Variants in SOS1 observed in about 807,000 individuals in gnomAD.
SOS1 encodes the protein son of sevenless homolog 1.
SOS1 carries 25 observed loss-of-function variants against 157.6 expected under a neutral mutation model. That is an observed-to-expected ratio of 0.16 (90% CI 0.12 to 0.22). The LOEUF is 0.22. Among genes scored for constraint, SOS1 ranks in the 10% least tolerant of loss-of-function variants. The pLI, the probability that SOS1 is intolerant of heterozygous loss-of-function variation, is 1.00. For missense variants in SOS1, 1,237 were observed against 1,599.1 expected, an observed-to-expected ratio of 0.77 and a Z score of 3.86; for synonymous variants, 528 against 534.0, an observed-to-expected ratio of 0.99 and a Z score of 0.16.
intron 15 of SOS1, among the ~76,000 whole-genome samples, chr2:39,008,819 A>G (rs570862722): frequency 6.6e-6 from 1 of 152,272 alleles, no homozygotes; most frequent in South Asian, 2.1e-4. Flanking sequence ...CTGCCATGCA[A>G]TAAGAAGCCC....
intron 1 of SOS1, among the ~76,000 whole-genome samples, chr2:39,115,090 G>A (rs973554656): frequency 1.3e-5 from 2 of 151,856 alleles, no homozygotes; most frequent in East Asian, 1.9e-4. Context: ...CATTTTCAGC[G>A]TGTGGTCTCA....
At chr2:38,989,978 G>A (rs1223881555) in intron 20 of SOS1, among the ~76,000 whole-genome samples, 2 of 151,948 alleles carry the variant, frequency 1.3e-5, no homozygotes, top group Non-Finnish European at 2.9e-5. Flanking sequence ...AAAATCAAAA[G>A]CGAAAGCCCC....
intron 1 of SOS1, among the ~76,000 whole-genome samples, chr2:39,105,742 C>CA (rs1045417252): frequency 2.9e-4 from 44 of 149,666 alleles, no homozygotes; most frequent in African/African-American, 5.6e-4. Flanking sequence ...ACTAAAAATA[C>CA]AAAAAAAAAT....
intron 1 of SOS1, among the ~76,000 whole-genome samples, chr2:39,079,722 T>C (rs1300276386): frequency 2.6e-5 from 4 of 152,136 alleles, no homozygotes; most frequent in African/African-American, 9.7e-5. Context: ...CTCAAACTCC[T>C]GACCTCGTGA....
intron 12 of SOS1, 95 bp downstream of exon 12, chr2:39,013,772 C>T (rs2124518087): frequency 9.4e-7 from 1 of 1,065,560 alleles, no homozygotes; most frequent in Non-Finnish European, 1.4e-6. Context: ...ATTTTATTGT[C>T]ACCCCTCTCC....
intron 6 of SOS1, among the ~76,000 whole-genome samples, chr2:39,048,757 GT>G (rs1180596933): frequency 3.3e-5 from 5 of 152,108 alleles, no homozygotes; most frequent in Non-Finnish European, 7.4e-5. Context: ...GTTTTTAGCT[GT>G]GTGTTTATTT....
chr2:39,007,428 T>G, intron 15 of SOS1: 1 of 504,682 alleles, frequency 2.0e-6, no homozygotes, highest in Non-Finnish European at 3.5e-6. Context: ...TCCTACTATA[T>G]TTGGTGCATC....
rs889882368 is a variant in SOS1 at position 38,985,656 on chromosome 2, T to C, written c.*168A>G. ...TTCTAAACTGGAATACCATTTCCAT[T>C]GTATAATTACATCTAGGTTAAAATT... On this transcript the variant is annotated 3_prime_UTR_variant, in exon 23 of 23. Coordinates refer to ENST00000402219, the MANE Select transcript of SOS1 (RefSeq NM_005633.4). The C allele has an allele frequency of 2.6e-6, 2 of 782,712 alleles. No homozygotes were observed. Among genetic ancestry groups the C allele is most frequent in the Non-Finnish European group, 2.1e-6 (1 of 468,588 alleles). 48.5% of individuals were successfully genotyped at this position (782,712 alleles called of 1,614,324 possible). A position where few individuals can be genotyped will look rare whatever the true frequency, so the allele number is the denominator to read the frequency against.
chr2:39,096,608 G>A (rs924108190), intron 1 of SOS1, among the ~76,000 whole-genome samples: 12 of 152,092 alleles, frequency 7.9e-5, no homozygotes, highest in Admixed American at 3.3e-4. Flanking sequence ...TTGGCTGGCC[G>A]GGCACGGTGG....
At position 38,997,269 on chromosome 2, in the gene SOS1, A is replaced by G; in HGVS notation, c.2948T>C (p.Val983Ala). 6.2e-7 allele frequency: 1 copy of G among 1,609,604 alleles called. No homozygotes were observed. The highest frequency in any genetic ancestry group is 8.5e-7 in the Non-Finnish European group (1 of 1,176,458). The change falls in exon 18 of 23, where the codon GTA (valine) becomes GCA (alanine). Residue 983 changes from valine (V) to alanine (A), a missense_variant. By Grantham distance (64) the Val-to-Ala change is moderately conservative (BLOSUM62 0). Around this residue, in one of 15 missense-constraint regions of SOS1, gnomAD observed 34 missense variants for 28.1 expected, o/e 1.21. Coordinates refer to ENST00000402219, the MANE Select transcript of SOS1 (RefSeq NM_005633.4). ...QYQNQPYCLR[V>A]ESDIKRFFEN... ...TCAACTTACTTTGATATCTGATTCT[A>G]CTCGTAAACAGTAAGGCTGATTTTG...
At chr2:39,061,036 C>T (rs1671382818) in intron 2 of SOS1, among the ~76,000 whole-genome samples, 1 of 151,438 alleles carries the variant, frequency 6.6e-6, no homozygotes, top group African/African-American at 2.4e-5. Flanking sequence ...CTGTCCATAT[C>T]AATTATGTCT....
intron 8 of SOS1, among the ~76,000 whole-genome samples, chr2:39,028,977 A>G (rs1043929463): frequency 2.0e-5 from 3 of 152,228 alleles, no homozygotes; most frequent in Non-Finnish European, 4.4e-5. Context: ...TGTATGAAAT[A>G]TTATCCAAAT....
chr2:38,997,128 A>C lies in SOS1; in HGVS notation c.2965-90T>G. 2.9e-6 allele frequency: 3 copies of C among 1,043,056 alleles called. No individual in the cohort carries two copies. In the South Asian group the frequency reaches 4.3e-5, roughly 15 times the overall value. The allele number at this position is 1,043,056 out of a possible 1,614,324, so 64.6% of individuals were successfully genotyped here. On this transcript the variant is annotated intron_variant, in intron 18 of 22. Transcript: ENST00000402219. ...GAAAGTTAAGAAAACATTTAATACA[A>C]GTAAATTTGAATTATTTCTTTTAAG...
intron 6 of SOS1, among the ~76,000 whole-genome samples, chr2:39,048,118 A>T (rs966552060): frequency 1.2e-4 from 18 of 152,094 alleles, no homozygotes; most frequent in African/African-American, 4.1e-4. Flanking sequence ...CAGTTTATCA[A>T]TTTTTTTCTT....
chr2:38,988,569 G>A (rs1305194361), intron 21 of SOS1, among the ~76,000 whole-genome samples: 1 of 151,944 alleles, frequency 6.6e-6, no homozygotes, highest in Non-Finnish European at 1.5e-5. Flanking sequence ...AGTACTTTGT[G>A]TACTGATATT....
At chr2:38,987,851 G>C (rs982005803) in intron 21 of SOS1, 3 of 401,672 alleles carry the variant, frequency 7.5e-6, no homozygotes, top group African/African-American at 6.1e-5. Flanking sequence ...ACATTCCCAT[G>C]GTTACTCTAT....
At chr2:39,093,742 G>A (rs941988956) in intron 1 of SOS1, among the ~76,000 whole-genome samples, 3 of 152,126 alleles carry the variant, frequency 2.0e-5, no homozygotes, top group East Asian at 1.9e-4. Context: ...ATCACTTAAC[G>A]ACTTTGACTT....
intron 6 of SOS1, among the ~76,000 whole-genome samples, chr2:39,046,104 A>AT (rs907762032): frequency 7.9e-5 from 12 of 152,126 alleles, no homozygotes; most frequent in African/African-American, 2.4e-4. Flanking sequence ...ATGTAGTTGG[A>AT]TTTTTTTATA....
At chr2:39,018,256 T>C (rs566495444) in intron 10 of SOS1, among the ~76,000 whole-genome samples, 51 of 151,820 alleles carry the variant, frequency 3.4e-4, no homozygotes, top group Non-Finnish European at 6.8e-4. Context: ...CAAAATTCTT[T>C]CTCAAACATG....
Sources: allele counts gnomAD v4.1 joint callset (sites outside exome capture counted in the v4.1 genomes callset), GRCh38; gene constraint gnomAD v4.1.1; regional missense constraint gnomAD v4.1.1; transcripts MANE v1.5; gene names NCBI Gene and HGNC (gene_info 2026-07-23, HGNC 2026-07-21).